RALGPS1: variants seen among roughly 807,000 people sequenced by gnomAD.
RALGPS1 encodes ras-specific guanine nucleotide-releasing factor RalGPS1.
Under a neutral mutation model 78.8 loss-of-function variants are expected in RALGPS1, and 19 were observed. The observed-to-expected ratio is 0.24, with a 90% CI of 0.17 to 0.35. The LOEUF is 0.35. Among genes scored for constraint, RALGPS1 ranks in the 10% least tolerant of loss-of-function variants. The pLI, the probability that RALGPS1 is intolerant of heterozygous loss-of-function variation, is 1.00. For missense variants in RALGPS1, 454 were observed against 688.3 expected (o/e 0.66, Z 3.81); for synonymous variants, 228 against 256.3 (o/e 0.89, Z 1.06).
chr9:127,199,870 A>G (rs1300910668), intron 14 of RALGPS1, among the ~76,000 whole-genome samples: 1 of 152,150 alleles, frequency 6.6e-6, no homozygotes, highest in Non-Finnish European at 1.5e-5. Context: ...CAGGAAAGGC[A>G]GGTTTGCACC....
chr9:127,095,830 G>A (rs781704450), intron 8 of RALGPS1, among the ~76,000 whole-genome samples: 7 of 152,200 alleles, frequency 4.6e-5, no homozygotes, highest in Non-Finnish European at 7.3e-5. Context: ...CATCTCAGGT[G>A]GGCTGTTCCT....
At chr9:127,132,650 GA>G (rs778572482) in intron 8 of RALGPS1, among the ~76,000 whole-genome samples, 17 of 152,230 alleles carry the variant, frequency 1.1e-4, no homozygotes, top group Non-Finnish European at 2.5e-4. Context: ...GAGTCAGAGG[GA>G]CCTGGGTTTG....
chr9:127,175,742 G>A (rs1395866423), intron 11 of RALGPS1, among the ~76,000 whole-genome samples: 3 of 142,466 alleles, frequency 2.1e-5, no homozygotes, highest in East Asian at 2.1e-4. Context: ...TCCCAGGAAC[G>A]TTGGAATGTC....
intron 1 of RALGPS1, among the ~76,000 whole-genome samples, chr9:126,945,910 G>A (rs979590073): frequency 6.6e-6 from 1 of 152,190 alleles, no homozygotes; most frequent in Admixed American, 6.5e-5. Context: ...GATGCATTCT[G>A]TTTTTCTCCA....
In RALGPS1 at chr9:127,166,106, A is replaced by G. The variant is rs765185441; in HGVS notation, c.648A>G (p.Ala216=). The G allele has an allele frequency of 1.2e-6, 2 of 1,611,654 alleles. No homozygotes were observed. The highest frequency in any genetic ancestry group is 1.7e-6 in the Non-Finnish European group (2 of 1,179,342). ...YLLDLIYIDS[A]YPASGSIMEN... ...TGGATTTAATCTACATTGATTCTGC[A>G]TATCCTGCCTCAGGCAGTATCATGG... Residue 216 remains alanine, a synonymous_variant, in exon 9 of 19, where the codon GCA becomes GCG. Transcript: ENST00000259351.
At chr9:127,159,188 T>C (rs964465879) in intron 8 of RALGPS1, among the ~76,000 whole-genome samples, 1 of 152,162 alleles carries the variant, frequency 6.6e-6, no homozygotes, top group African/African-American at 2.4e-5. Context: ...TTACTGCCAG[T>C]CAGAACCCCA....
In RALGPS1 at chr9:127,212,504, G is replaced by T; in HGVS notation, c.1354-123G>T. The T allele has an allele frequency of 1.4e-6, 1 of 716,918 alleles. No individual in the cohort carries two copies. The allele number at this position is 716,918 out of a possible 1,614,324, so 44.4% of individuals were successfully genotyped here. On this transcript the variant is annotated intron_variant, in intron 15 of 18. Coordinates refer to ENST00000259351, the MANE Select transcript of RALGPS1 (RefSeq NM_014636.3). This position sits in a 1 kb window ranked among gnomAD's most constrained non-coding sequence, Gnocchi z 6.0. Reference sequence around the variant, plus strand: ...AAGTTGGCATTGCCAGGGGGTGGTGGAGGGCCAGGGAAGAGATGGGGCCTG... The same window carrying T: ...AAGTTGGCATTGCCAGGGGGTGGTGTAGGGCCAGGGAAGAGATGGGGCCTG...
At chr9:127,123,911 A>G (rs1260105213) in intron 8 of RALGPS1, among the ~76,000 whole-genome samples, 1 of 152,074 alleles carries the variant, frequency 6.6e-6, no homozygotes, top group Non-Finnish European at 1.5e-5. Flanking sequence ...CATGTGAAAT[A>G]TTGGTGGTAT....
chr9:127,059,344 T>C (rs990412977), intron 7 of RALGPS1, among the ~76,000 whole-genome samples: 2 of 152,132 alleles, frequency 1.3e-5, no homozygotes, highest in Non-Finnish European at 2.9e-5. Flanking sequence ...CCAACATTTG[T>C]AGCCCTCACT....
At chr9:127,124,252 A>G (rs997288077) in intron 8 of RALGPS1, among the ~76,000 whole-genome samples, 2 of 152,222 alleles carry the variant, frequency 1.3e-5, no homozygotes, top group African/African-American at 4.8e-5. Context: ...AAGGCAGCGC[A>G]GTCTCTACCC....
Position 127,026,848 on chromosome 9 carries a change from TCTAA to T in RALGPS1, c.217-7580_217-7577del, listed in dbSNP as rs1042770255. ...GGGACTGGCATGCAGGGTGCAGTTC[TCTAA>T]CTGTCAGCAAAACGAGGCGACCTTT... On this transcript the variant is annotated intron_variant, in intron 4 of 18. Coordinates refer to ENST00000259351, the MANE Select transcript of RALGPS1 (RefSeq NM_014636.3). Among the ~76,000 whole-genome samples, 33 of 125,142 alleles carry T rather than the reference TCTAA, an allele frequency of 2.6e-4. No individual in the cohort carries two copies. The East Asian group carries it at 3.0e-3, about 11-fold the overall frequency. The allele number at this position is 125,142 out of a possible 152,430, so 82.1% of individuals were successfully genotyped here.
chr9:127,021,267 C>A (rs200853940), intron 4 of RALGPS1, among the ~76,000 whole-genome samples: 1 of 151,964 alleles, frequency 6.6e-6, no homozygotes, highest in Non-Finnish European at 1.5e-5. Context: ...TTTGCGAGGC[C>A]GAGGCAGGTG....
intron 8 of RALGPS1, among the ~76,000 whole-genome samples, chr9:127,133,304 G>A (rs2057140392): frequency 2.0e-5 from 3 of 152,358 alleles, no homozygotes; most frequent in Admixed American, 2.0e-4. Flanking sequence ...AGCAGAGAGT[G>A]AGAGTGGGTA....
At chr9:126,916,586 G>T (rs568789315) in intron 1 of RALGPS1, among the ~76,000 whole-genome samples, 1 of 152,262 alleles carries the variant, frequency 6.6e-6, no homozygotes, top group South Asian at 2.1e-4. Context: ...TCCGAGACCA[G>T]CCTGGCCAAC....
chr9:127,142,473 G>T (rs1393247927), intron 8 of RALGPS1, among the ~76,000 whole-genome samples: 1 of 152,156 alleles, frequency 6.6e-6, no homozygotes, highest in African/African-American at 2.4e-5. Context: ...GGCATGATGG[G>T]CGCATCTGGA....
intron 4 of RALGPS1, among the ~76,000 whole-genome samples, chr9:127,026,918 C>A (rs1481905797): frequency 1.4e-4 from 21 of 152,206 alleles, no homozygotes; most frequent in Admixed American, 1.4e-3. Context: ...ATTCTCCCAT[C>A]CCACTTTTTG....
At chr9:126,981,067 C>T (rs1225403490) in intron 4 of RALGPS1, among the ~76,000 whole-genome samples, 1 of 152,134 alleles carries the variant, frequency 6.6e-6, no homozygotes, top group Non-Finnish European at 1.5e-5. Flanking sequence ...TCTGCTTTCC[C>T]ATCATGCTGT....
At chr9:127,021,528 A>G (rs949425759) in intron 4 of RALGPS1, among the ~76,000 whole-genome samples, 1 of 149,562 alleles carries the variant, frequency 6.7e-6, no homozygotes, top group Non-Finnish European at 1.5e-5. Flanking sequence ...TCAGATTTTT[A>G]AAAAAAGTTC....
At chr9:126,915,170 C>G (rs1194849340) in intron 1 of RALGPS1, among the ~76,000 whole-genome samples, 195 bp downstream of exon 1, 2 of 130,042 alleles carry the variant, frequency 1.5e-5, no homozygotes, top group Non-Finnish European at 3.3e-5. Flanking sequence ...TGCGGGTGCC[C>G]GGCGCCGGGG....
Sources: gnomAD v4.1 joint callset for allele counts (sites outside exome capture counted in the v4.1 genomes callset) on GRCh38, gnomAD v4.1.1 for gene constraint, Gnocchi (gnomAD v3.1) non-coding constraint, MANE v1.5 for transcripts, NCBI Gene and HGNC (gene_info 2026-07-23, HGNC 2026-07-21) for gene names.